The following MICAL3 variants were observed in gnomAD, a reference collection of about 807,000 sequenced individuals.
MICAL3 encodes the protein microtubule associated monooxygenase, calponin and LIM domain containing 3.
In MICAL3, 62 loss-of-function variants were observed where a neutral mutation model predicts 207.4. The ratio of observed to expected loss-of-function variants is 0.30; its 90% CI spans 0.24 to 0.37. MICAL3 has a LOEUF of 0.37. Among genes scored for constraint, MICAL3 ranks in the 10% least tolerant of loss-of-function variants. MICAL3 has a pLI of 1.00. For missense variants in MICAL3, 2,368 were observed against 2,635.6 expected, an observed-to-expected ratio of 0.90 and a Z score of 2.22; for synonymous variants, 1,077 against 1,069.3, an observed-to-expected ratio of 1.01 and a Z score of -0.14.
intron 1 of MICAL3, among the ~76,000 whole-genome samples, chr22:17,990,059 C>T (rs779046850): frequency 1.3e-5 from 2 of 151,912 alleles, no homozygotes; most frequent in African/African-American, 2.4e-5. Context: ...AAGGGACCAA[C>T]GGATACAACT....
intron 1 of MICAL3, among the ~76,000 whole-genome samples, chr22:17,943,490 A>G (rs1933906623): frequency 6.6e-6 from 1 of 152,254 alleles, no homozygotes; most frequent in African/African-American, 2.4e-5. Context: ...CTTAACAGAG[A>G]AGATTAAAGC....
At position 17,864,442 on chromosome 22, in the gene MICAL3, A is replaced by G. The variant is rs185456400; in HGVS notation, c.2605+457T>C. On this transcript the variant is annotated intron_variant, in intron 19 of 31. Coordinates refer to ENST00000441493, the MANE Select transcript of MICAL3 (RefSeq NM_015241.3). ...CAAAACAAGACCACGGGGCTTAATC[A>G]ACACAGCTCCAGGCCGTCAGAGGAG... 335 of 1,414,246 alleles carry G rather than the reference A, an allele frequency of 2.4e-4. 2 individuals are homozygous for G. The East Asian group carries it at 7.2e-3, about 30-fold the overall frequency. 87.6% of individuals were successfully genotyped at this position (1,414,246 alleles called of 1,614,324 possible). A position where few individuals can be genotyped will look rare whatever the true frequency, so the allele number is the denominator to read the frequency against.
At position 17,841,442 on chromosome 22, in the gene MICAL3, T is replaced by G. The variant is rs1396239133; in HGVS notation, c.2801+380A>C. ...AGATGCCTGGGGGACGGACTAGGCC[T>G]CCCTCAAGACGGCCCGGTGCACTGG... is the stretch of plus-strand genomic sequence containing the variant. On this transcript the variant is annotated intron_variant, in intron 20 of 31. Coordinates refer to ENST00000441493, the MANE Select transcript of MICAL3 (RefSeq NM_015241.3). The surrounding 1 kb of genome is among the most constrained non-coding windows in gnomAD (Gnocchi z 4.2). 4 of 410,000 alleles carry G rather than the reference T, an allele frequency of 9.8e-6. No homozygotes were observed. Among genetic ancestry groups the G allele is most frequent in the Non-Finnish European group, 1.8e-5 (4 of 228,396 alleles). 25.4% of individuals were successfully genotyped at this position (410,000 alleles called of 1,614,324 possible). A position where few individuals can be genotyped will look rare whatever the true frequency, so the allele number is the denominator to read the frequency against.
intron 1 of MICAL3, among the ~76,000 whole-genome samples, chr22:17,941,573 C>T (rs1356498065): frequency 1.3e-5 from 2 of 152,228 alleles, no homozygotes; most frequent in Admixed American, 6.5e-5. Context: ...AGAGCAACAG[C>T]TGTCATTGTT....
At chr22:17,929,264 A>T (rs1373740095) in intron 1 of MICAL3, among the ~76,000 whole-genome samples, 1 of 91,752 alleles carries the variant, frequency 1.1e-5, no homozygotes, top group African/African-American at 5.3e-5. Context: ...ACGCCTGGCT[A>T]ATTTTTTTTT....
chr22:17,975,353 A>T (rs758228638), intron 1 of MICAL3, among the ~76,000 whole-genome samples: 8 of 152,114 alleles, frequency 5.3e-5, no homozygotes, highest in Non-Finnish European at 1.0e-4. Context: ...ACAGTGAATG[A>T]AAAGCCCGCA....
intron 1 of MICAL3, among the ~76,000 whole-genome samples, chr22:17,996,707 T>C (rs1602375242): frequency 6.6e-6 from 1 of 152,056 alleles, no homozygotes; most frequent in Non-Finnish European, 1.5e-5. Flanking sequence ...GATGACAGAG[T>C]GCGTGGCTGG....
intron 1 of MICAL3, among the ~76,000 whole-genome samples, chr22:17,976,561 G>GTGTA (rs1392364468): frequency 9.9e-4 from 79 of 80,040 alleles, no homozygotes; most frequent in South Asian, 1.6e-3. Flanking sequence ...GTGTGTGTGT[G>GTGTA]TATATATATA....
Position 17,896,897 on chromosome 22 carries a change from A to G in MICAL3, c.1033T>C (p.Phe345Leu), listed in dbSNP as rs1930893141. ...GACGGCAGCTGCTGCTGGGTAGAGAAGTCTGCCGCCTCCCTGGCATAGCTG... is the reference window on the plus strand; with the variant it reads ...GACGGCAGCTGCTGCTGGGTAGAGAGGTCTGCCGCCTCCCTGGCATAGCTG... ...LLSYAREAADFSTQQQLPSLD... is the reference protein window; with the variant it reads ...LLSYAREAADLSTQQQLPSLD... Residue 345 changes from phenylalanine (F) to leucine (L), a missense_variant, in exon 8 of 32, where the codon TTC (phenylalanine) becomes CTC (leucine). By Grantham distance (22) the Phe-to-Leu change is conservative. Transcript: ENST00000441493. The G allele has an allele frequency of 6.2e-7, 1 of 1,613,994 alleles. No homozygotes were observed. Among genetic ancestry groups the G allele is most frequent in the Non-Finnish European group, 8.5e-7 (1 of 1,179,906 alleles).
rs201471717 is a variant in MICAL3, at chr22:17,846,425, CG to C, written c.2606-4409del. Among the ~76,000 whole-genome samples, 1,211 of 152,178 alleles carry C rather than the reference CG, an allele frequency of 8.0e-3. 16 individuals are homozygous for C. Among genetic ancestry groups the C allele is most frequent in the African/African-American group, 0.027 (1,132 of 41,500 alleles). On this transcript the variant is annotated intron_variant, in intron 19 of 31. Transcript: ENST00000441493. ...AAAAAAACCACACGCACAAACACAT[CG>C]GAACAATCAGCATCCTTGATTCTCT...
intron 1 of MICAL3, among the ~76,000 whole-genome samples, chr22:17,993,161 ACT>A (rs1195501781): frequency 3.3e-5 from 5 of 152,084 alleles, no homozygotes; most frequent in Non-Finnish European, 5.9e-5. Flanking sequence ...GAAATGAATG[ACT>A]CTGACTACTC....
chr22:17,855,878 C>T (rs949433684), intron 19 of MICAL3, among the ~76,000 whole-genome samples: 19 of 152,258 alleles, frequency 1.2e-4, no homozygotes, highest in Admixed American at 9.2e-4. Flanking sequence ...CTCTCGCCCA[C>T]GCTGCCGAGC....
At chr22:17,938,272 C>T (rs1010369214) in intron 1 of MICAL3, among the ~76,000 whole-genome samples, 1 of 152,150 alleles carries the variant, frequency 6.6e-6, no homozygotes, top group Non-Finnish European at 1.5e-5. Flanking sequence ...ATTCCACTTC[C>T]CCACAAAGAA....
intron 19 of MICAL3, among the ~76,000 whole-genome samples, chr22:17,853,679 G>C (rs1351177862): frequency 6.6e-6 from 1 of 152,222 alleles, no homozygotes; most frequent in East Asian, 1.9e-4. Flanking sequence ...GGTTATGACA[G>C]CAAGCATGAC....
chr22:17,996,444 A>AG (rs1210909595), intron 1 of MICAL3, among the ~76,000 whole-genome samples: 1 of 134,024 alleles, frequency 7.5e-6, no homozygotes, highest in African/African-American at 2.7e-5. Context: ...ACTCCATCTC[A>AG]GAAAAAAAAA....
At chr22:17,875,608 C>T in intron 16 of MICAL3, 1 of 1,081,780 alleles carries the variant, frequency 9.2e-7, no homozygotes, top group Non-Finnish European at 1.3e-6. Flanking sequence ...TAAATTAAGT[C>T]ACACACTGAC....
chr22:17,821,081 TTTAAA>T (rs1221758291), intron 25 of MICAL3, among the ~76,000 whole-genome samples: 1 of 151,678 alleles, frequency 6.6e-6, no homozygotes, highest in African/African-American at 2.4e-5. Flanking sequence ...AATAAATTTG[TTTAAA>T]TTAAACATAT....
intron 19 of MICAL3, among the ~76,000 whole-genome samples, chr22:17,842,875 A>C (rs1924187912): frequency 6.6e-6 from 1 of 152,182 alleles, no homozygotes. Context: ...TAATCCCAGC[A>C]CTTGGGGAGG....
At chr22:17,960,877 A>G (rs1473587836) in intron 1 of MICAL3, among the ~76,000 whole-genome samples, 3 of 152,180 alleles carry the variant, frequency 2.0e-5, no homozygotes, top group Admixed American at 6.5e-5. Context: ...TCCTCCAGGC[A>G]TGGAAAGAGC....
Sources: allele counts gnomAD v4.1 joint callset (sites outside exome capture counted in the v4.1 genomes callset), GRCh38; gene constraint gnomAD v4.1.1; non-coding constraint Gnocchi (gnomAD v3.1); transcripts MANE v1.5; gene names NCBI Gene and HGNC (gene_info 2026-07-23, HGNC 2026-07-21).